CTIF: variants seen among roughly 807,000 people sequenced by gnomAD.
CTIF encodes the protein CBP80/20-dependent translation initiation factor.
A neutral mutation model predicts 66.0 loss-of-function variants in CTIF; 21 were observed. The observed-to-expected ratio is 0.32, with a 90% CI of 0.23 to 0.46. The LOEUF is 0.46. CTIF is among the 20% of genes least tolerant of loss of function. The pLI is 1.00. For missense variants in CTIF, 739 were observed against 812.7 expected (o/e 0.91, Z 1.10); for synonymous variants, 345 against 326.4 (o/e 1.06, Z -0.62).
chr18:48,608,984 A>G (rs1341605577), intron 1 of CTIF, among the ~76,000 whole-genome samples: 1 of 152,236 alleles, frequency 6.6e-6, no homozygotes. Flanking sequence ...GGTTCAGAGC[A>G]GGGCACTATT....
At chr18:48,690,238 C>T (rs1488759813) in intron 6 of CTIF, among the ~76,000 whole-genome samples, 1 of 152,150 alleles carries the variant, frequency 6.6e-6, no homozygotes, top group East Asian at 1.9e-4. Context: ...ACTCTCCTTC[C>T]ATCCACTATG....
At chr18:48,853,874 A>G (rs2069265049) in intron 10 of CTIF, among the ~76,000 whole-genome samples, 1 of 152,210 alleles carries the variant, frequency 6.6e-6, no homozygotes, top group South Asian at 2.1e-4. Context: ...CAACATGACC[A>G]GTCCCCAGGG....
chr18:48,805,296 G>A (rs1410845673), intron 9 of CTIF, among the ~76,000 whole-genome samples: 1 of 152,180 alleles, frequency 6.6e-6, no homozygotes, highest in East Asian at 1.9e-4. Flanking sequence ...ACTGGGGTGA[G>A]AAAAGAGCCT....
At chr18:48,785,661 C>G (rs896021894) in intron 9 of CTIF, among the ~76,000 whole-genome samples, 1 of 152,212 alleles carries the variant, frequency 6.6e-6, no homozygotes, top group Admixed American at 6.5e-5. Context: ...CCCTGGGAGT[C>G]CAAACCAGGC....
chr18:48,820,730 AC>A (rs746051974), intron 10 of CTIF, among the ~76,000 whole-genome samples: 10 of 151,764 alleles, frequency 6.6e-5, no homozygotes, highest in Non-Finnish European at 1.2e-4. Context: ...CTGCGTCTGT[AC>A]CCCCGGGGCT....
intron 1 of CTIF, among the ~76,000 whole-genome samples, chr18:48,609,133 C>A (rs1016883097): frequency 3.3e-5 from 5 of 152,202 alleles, no homozygotes; most frequent in Admixed American, 1.3e-4. Flanking sequence ...TGAGTTCCTG[C>A]AGGTTGGCAA....
At chr18:48,825,247 A>C (rs1048558184) in intron 10 of CTIF, among the ~76,000 whole-genome samples, 9 of 151,890 alleles carry the variant, frequency 5.9e-5, no homozygotes, top group African/African-American at 1.5e-4. Context: ...CAGGCCCCAG[A>C]AATCCCATCT....
chr18:48,843,871 C>T (rs1219836179), intron 10 of CTIF, among the ~76,000 whole-genome samples: 5 of 152,174 alleles, frequency 3.3e-5, no homozygotes, highest in Admixed American at 3.3e-4. Flanking sequence ...ATTTTTCTAC[C>T]TACTTGTGTG....
intron 5 of CTIF, among the ~76,000 whole-genome samples, chr18:48,668,848 G>C (rs912491479): frequency 6.6e-5 from 10 of 152,086 alleles, no homozygotes; most frequent in Non-Finnish European, 2.9e-5. Context: ...GCTCTACTGT[G>C]GGGGGTGATT....
At chr18:48,778,975 A>G (rs1278227438) in intron 9 of CTIF, among the ~76,000 whole-genome samples, 1 of 152,182 alleles carries the variant, frequency 6.6e-6, no homozygotes, top group Non-Finnish European at 1.5e-5. Flanking sequence ...GACAGCCCCG[A>G]TTTGAATCCT....
At chr18:48,639,966 T>C (rs1042960010) in intron 3 of CTIF, among the ~76,000 whole-genome samples, 5 of 152,126 alleles carry the variant, frequency 3.3e-5, no homozygotes, top group African/African-American at 1.2e-4. Flanking sequence ...TTCCTTTGAG[T>C]GACGGCACCC....
At chr18:48,630,100 C>T (rs2090675238) in intron 2 of CTIF, among the ~76,000 whole-genome samples, 1 of 152,188 alleles carries the variant, frequency 6.6e-6, no homozygotes, top group South Asian at 2.1e-4. Context: ...GATGAAATCT[C>T]ATGCTGTCTC....
chr18:48,711,071 T>C (rs976638334), intron 6 of CTIF, among the ~76,000 whole-genome samples: 6 of 152,206 alleles, frequency 3.9e-5, no homozygotes, highest in Admixed American at 2.6e-4. Flanking sequence ...AAGAAGATCT[T>C]GGGTAAAAAT....
At position 48,789,265 on chromosome 18, in the gene CTIF, T is replaced by C. The variant is rs550669555; in HGVS notation, c.1371+27576T>C. On this transcript the variant is annotated intron_variant, in intron 9 of 11. Transcript: ENST00000256413. ...AAGGGCTGGGTTCACATCCCAGCTT[T>C]GTCACAGACTAGTTGTGTAACCTTG... Among the ~76,000 whole-genome samples, 39 of 152,202 alleles carry C rather than the reference T, an allele frequency of 2.6e-4. 2 individuals carry two copies. In the South Asian group the frequency reaches 7.9e-3, roughly 31 times the overall value.
intron 5 of CTIF, 70 bp downstream of exon 5, chr18:48,664,621 G>C: frequency 7.6e-7 from 1 of 1,316,056 alleles, no homozygotes; most frequent in East Asian, 2.3e-5. Flanking sequence ...TGCCTCCACA[G>C]GGAGGCTGCT....
At chr18:48,720,690 G>A (rs2092326896) in intron 7 of CTIF, among the ~76,000 whole-genome samples, 1 of 152,154 alleles carries the variant, frequency 6.6e-6, no homozygotes, top group Admixed American at 6.5e-5. Context: ...ATTTCTTCAA[G>A]CCAGATGTCC....
intron 10 of CTIF, among the ~76,000 whole-genome samples, chr18:48,853,318 C>T (rs2069251139): frequency 6.6e-6 from 1 of 152,006 alleles, no homozygotes; most frequent in Non-Finnish European, 1.5e-5. Flanking sequence ...GGCCTGTCTG[C>T]CCTGGGGATG....
chr18:48,638,534 G>A (rs549000371), intron 3 of CTIF, among the ~76,000 whole-genome samples: 2 of 151,934 alleles, frequency 1.3e-5, no homozygotes, highest in East Asian at 2.0e-4. Context: ...CTGTCCTCTC[G>A]GGTCTGCCTT....
chr18:48,765,168 T>C (rs1220193415), intron 9 of CTIF, among the ~76,000 whole-genome samples: 2 of 152,194 alleles, frequency 1.3e-5, no homozygotes, highest in Non-Finnish European at 2.9e-5. Flanking sequence ...GATGTCTTTT[T>C]TCACCTGACT....
Sources: allele counts gnomAD v4.1 joint callset (sites outside exome capture counted in the v4.1 genomes callset), GRCh38; gene constraint gnomAD v4.1.1; transcripts MANE v1.5; gene names NCBI Gene and HGNC (gene_info 2026-07-23, HGNC 2026-07-21).